The following RRM1 variants were observed in gnomAD, a reference collection of about 807,000 sequenced individuals.
The protein encoded by RRM1 is ribonucleotide reductase catalytic subunit M1.
A neutral mutation model predicts 101.5 loss-of-function variants in RRM1; 19 were observed. That is an observed-to-expected ratio of 0.19 (90% confidence interval 0.13 to 0.27). The LOEUF is 0.27. Ranked by LOEUF, RRM1 falls within the 10% of genes least tolerant of loss-of-function variation. The probability of loss-of-function intolerance (pLI) is 1.00; values close to 1 mark genes in which losing one functional copy is unlikely to be tolerated. For synonymous variants in RRM1, 298 were observed against 323.4 expected (o/e 0.92, Z 0.84); for missense variants, 500 against 962.9 (o/e 0.52, Z 6.36).
At chr11:4,118,196 T>G in intron 7 of RRM1, 124 bp from the exon 8 acceptor site, 1 of 946,734 alleles carries the variant, frequency 1.1e-6, no homozygotes, top group East Asian at 2.4e-5. Flanking sequence ...TGAAAATCAT[T>G]TAGGAACTTT....
intron 7 of RRM1, among the ~76,000 whole-genome samples, chr11:4,115,162 A>C (rs1276412659): frequency 6.6e-6 from 1 of 152,194 alleles, no homozygotes; most frequent in African/African-American, 2.4e-5. Context: ...CAACATACTG[A>C]TTCTAAAATT....
chr11:4,135,522 A>G (rs1278929506), intron 18 of RRM1, among the ~76,000 whole-genome samples: 1 of 150,928 alleles, frequency 6.6e-6, no homozygotes, highest in Non-Finnish European at 1.5e-5. Flanking sequence ...TCCTTCCTTT[A>G]CTGTCCGTAC....
intron 1 of RRM1, among the ~76,000 whole-genome samples, chr11:4,097,995 T>C (rs533409691): frequency 1.3e-5 from 2 of 152,200 alleles, no homozygotes; most frequent in East Asian, 3.9e-4. Context: ...AATGGGAGAG[T>C]ATCATTCCTC....
At chr11:4,122,700 C>T (rs1197969226) in intron 11 of RRM1, among the ~76,000 whole-genome samples, 1 of 152,042 alleles carries the variant, frequency 6.6e-6, no homozygotes, top group East Asian at 1.9e-4. Flanking sequence ...TGGTGAAACC[C>T]TGTCTCTAGT....
intron 1 of RRM1, among the ~76,000 whole-genome samples, chr11:4,097,469 T>A (rs187204388): frequency 5.8e-4 from 88 of 152,112 alleles, no homozygotes; most frequent in South Asian, 4.4e-3. Context: ...CTTTTTTTTT[T>A]TATATTTCTA....
At chr11:4,096,952 G>C (rs2133281594) in intron 1 of RRM1, among the ~76,000 whole-genome samples, 1 of 149,776 alleles carries the variant, frequency 6.7e-6, no homozygotes, top group East Asian at 1.9e-4. Flanking sequence ...TGAACTTTTA[G>C]AGTCTACTTC....
intron 4 of RRM1, 28 bp downstream of exon 4, chr11:4,107,563 T>C: frequency 6.9e-7 from 1 of 1,443,626 alleles, no homozygotes; most frequent in Non-Finnish European, 9.7e-7. Context: ...CTGGTGGAAA[T>C]TTTTTGAGAG....
rs2094540754 is a variant in RRM1, at chr11:4,094,872, TG to T, written c.-140del. On this transcript the variant is annotated 5_prime_UTR_variant, in exon 1 of 19. Coordinates refer to ENST00000300738, the MANE Select transcript of RRM1 (RefSeq NM_001033.5). The stretch of plus-strand genomic sequence containing the variant: ...TGCGCCTCTGCTCTGAAGAAAGTGC[TG>T]TCTGGCTCCAACTCCAGTTCTTTCC... The T allele has an allele frequency of 2.4e-6, 2 of 842,216 alleles. No individual in the cohort carries two copies. The highest frequency in any genetic ancestry group is 3.9e-6 in the Non-Finnish European group (2 of 510,936). The allele number at this position is 842,216 out of a possible 1,614,324, so 52.2% of individuals were successfully genotyped here.
chr11:4,135,058 A>AACATTGG (rs1213504576), intron 17 of RRM1, 24 bp from the exon 18 acceptor site: 1 of 1,559,644 alleles, frequency 6.4e-7, no homozygotes, highest in South Asian at 1.2e-5. Flanking sequence ...GGAGTAAAGT[A>AACATTGG]AACATTGGGT....
At chr11:4,136,928 G>GT (rs2094611606) in intron 18 of RRM1, among the ~76,000 whole-genome samples, 1 of 151,610 alleles carries the variant, frequency 6.6e-6, no homozygotes, top group African/African-American at 2.4e-5. Context: ...CTTCCGCAGT[G>GT]TTTGTGTCCC....
chr11:4,127,536 C>T (rs1046125834), intron 14 of RRM1, among the ~76,000 whole-genome samples: 2 of 152,138 alleles, frequency 1.3e-5, no homozygotes, highest in Non-Finnish European at 2.9e-5. Flanking sequence ...GTGTTACAAC[C>T]ACAAGCCTTG....
intron 14 of RRM1, among the ~76,000 whole-genome samples, chr11:4,127,872 T>A (rs1408244166): frequency 6.6e-6 from 1 of 152,194 alleles, no homozygotes. Context: ...TATCTCACAG[T>A]TTCCACAGGT....
chr11:4,115,827 G>T (rs923543575), intron 7 of RRM1, among the ~76,000 whole-genome samples: 11 of 152,222 alleles, frequency 7.2e-5, no homozygotes, highest in African/African-American at 2.6e-4. Flanking sequence ...AAAGTGCTGG[G>T]ATTAGAGGTG....
chr11:4,097,821 C>T (rs2094545722), intron 1 of RRM1, among the ~76,000 whole-genome samples: 1 of 152,164 alleles, frequency 6.6e-6, no homozygotes, highest in Non-Finnish European at 1.5e-5. Context: ...ACTGAATATG[C>T]TAATGTCTTG....
chr11:4,111,822 T>C, intron 6 of RRM1, 78 bp from the exon 7 acceptor site: 2 of 1,408,288 alleles, frequency 1.4e-6, no homozygotes, highest in Non-Finnish European at 1.9e-6. Context: ...TTTGGTGTCC[T>C]TTTCTGAAAT....
At chr11:4,114,803 C>G (rs951965703) in intron 7 of RRM1, among the ~76,000 whole-genome samples, 4 of 152,104 alleles carry the variant, frequency 2.6e-5, no homozygotes, top group Non-Finnish European at 5.9e-5. Context: ...GCCTGCACCT[C>G]CCAGGTCCAA....
At position 4,138,623 on chromosome 11, in the gene RRM1, A is replaced by C; in HGVS notation, c.*240A>C. On this transcript the variant is annotated 3_prime_UTR_variant, in exon 19 of 19. Coordinates refer to ENST00000300738, the MANE Select transcript of RRM1 (RefSeq NM_001033.5). ...GAAAAAAAAAACGGATATATTGAGAATCAAAGTAGAAGTTTTAGGAATGCA... is the reference window on the plus strand; with the variant it reads ...GAAAAAAAAAACGGATATATTGAGACTCAAAGTAGAAGTTTTAGGAATGCA... The C allele has an allele frequency of 3.2e-6, 1 of 316,702 alleles. No individual in the cohort carries two copies. The allele number at this position is 316,702 out of a possible 1,614,324, so 19.6% of individuals were successfully genotyped here.
intron 1 of RRM1, among the ~76,000 whole-genome samples, chr11:4,101,568 C>CCA (rs1554973359): frequency 7.3e-6 from 1 of 137,866 alleles, no homozygotes; most frequent in African/African-American, 2.9e-5. Flanking sequence ...CACCCCCCCC[C>CCA]GCTCCCTTGG....
chr11:4,122,277 C>A, intron 11 of RRM1, 57 bp downstream of exon 11: 1 of 1,240,584 alleles, frequency 8.1e-7, no homozygotes, highest in Non-Finnish European at 1.2e-6. Context: ...TCTCTTATTT[C>A]AGGGGTCCAA....
Sources: gnomAD v4.1 joint callset for allele counts (sites outside exome capture counted in the v4.1 genomes callset) on GRCh38, gnomAD v4.1.1 for gene constraint, MANE v1.5 for transcripts, NCBI Gene and HGNC (gene_info 2026-07-23, HGNC 2026-07-21) for gene names.